VRK3: variants seen among roughly 807,000 people sequenced by gnomAD.
The protein encoded by VRK3 is VRK serine/threonine kinase 3.
In VRK3, 50 loss-of-function variants were observed where a neutral mutation model predicts 60.4. The observed-to-expected ratio is 0.83, with a 90% CI of 0.66 to 1.05. VRK3 has a LOEUF of 1.05. Ranked by LOEUF, VRK3 falls within the 50% of genes least tolerant of loss-of-function variation. VRK3 has a pLI of 0.00. For synonymous variants in VRK3, 246 were observed against 227.8 expected (o/e 1.08, Z -0.72); for missense variants, 549 against 585.3 (o/e 0.94, Z 0.64).
chr19:49,983,453 C>T (rs144281304), intron 12 of VRK3, among the ~76,000 whole-genome samples: 21 of 152,284 alleles, frequency 1.4e-4, no homozygotes, highest in African/African-American at 4.1e-4. Context: ...TGTCCCATGG[C>T]GGCCATTGAC....
chr19:50,006,180 T>C (rs1023379784), intron 5 of VRK3, among the ~76,000 whole-genome samples: 32 of 151,516 alleles, frequency 2.1e-4, no homozygotes, highest in African/African-American at 7.8e-4. Context: ...TGTGGTGGCA[T>C]GCGCTTGTAA....
At chr19:50,016,603 T>C (rs1401319574) in intron 2 of VRK3, among the ~76,000 whole-genome samples, 1 of 152,244 alleles carries the variant, frequency 6.6e-6, no homozygotes, top group Non-Finnish European at 1.5e-5. Context: ...TTCTGCTGTA[T>C]TGAGCCACCA....
At chr19:49,981,613 A>T (rs1233995571) in intron 12 of VRK3, 2 of 697,456 alleles carry the variant, frequency 2.9e-6, no homozygotes, top group African/African-American at 3.9e-5. Context: ...ATCTTATGTA[A>T]TAAGTATTGT....
At chr19:50,022,876 G>A (rs1487581946) in intron 1 of VRK3, among the ~76,000 whole-genome samples, 2 of 152,122 alleles carry the variant, frequency 1.3e-5, no homozygotes, top group Non-Finnish European at 2.9e-5. Flanking sequence ...TTTCATTTTA[G>A]ACAGAATAAA....
At chr19:50,007,988 G>A (rs1223760638) in intron 4 of VRK3, among the ~76,000 whole-genome samples, 162 bp from the exon 5 acceptor site, 1 of 152,156 alleles carries the variant, frequency 6.6e-6, no homozygotes, top group East Asian at 1.9e-4. Flanking sequence ...ATGATGTTGG[G>A]GCACCAGATA....
chr19:49,978,914 C>T (rs2076375462), intron 14 of VRK3, 169 bp downstream of exon 14: 3 of 577,908 alleles, frequency 5.2e-6, no homozygotes, highest in Non-Finnish European at 8.2e-6. Context: ...CTTGCCATTC[C>T]TTGAGGCTGG....
intron 12 of VRK3, among the ~76,000 whole-genome samples, chr19:49,983,607 T>G (rs1360309999): frequency 6.6e-6 from 1 of 152,252 alleles, no homozygotes; most frequent in Non-Finnish European, 1.5e-5. Context: ...TCATTTGTGC[T>G]TTGCCCAGCA....
chr19:49,981,341 TC>T (rs1241210534), intron 12 of VRK3, among the ~76,000 whole-genome samples: 4 of 152,078 alleles, frequency 2.6e-5, no homozygotes, highest in Non-Finnish European at 5.9e-5. Flanking sequence ...GGTCAGGAGA[TC>T]CGAGATCATC....
intron 3 of VRK3, among the ~76,000 whole-genome samples, chr19:50,009,625 A>G (rs2076961267): frequency 6.6e-6 from 1 of 151,954 alleles, no homozygotes; most frequent in African/African-American, 2.4e-5. Context: ...TCCTTTCCAC[A>G]TAATGTCTTT....
intron 6 of VRK3, chr19:49,999,527 A>G (rs2076763648): frequency 6.6e-6 from 1 of 152,462 alleles, no homozygotes; most frequent in Admixed American, 6.5e-5. Flanking sequence ...ATGGATGAAC[A>G]CCACTGGGCA....
At chr19:50,013,429 GAAAGA>G (rs1304206142) in intron 3 of VRK3, among the ~76,000 whole-genome samples, 2 of 152,156 alleles carry the variant, frequency 1.3e-5, no homozygotes, top group Non-Finnish European at 2.9e-5. Context: ...ACTTGCCAGT[GAAAGA>G]AAAGAAGAAA....
intron 7 of VRK3, among the ~76,000 whole-genome samples, chr19:49,996,028 T>C (rs886929686): frequency 2.6e-5 from 4 of 152,116 alleles, no homozygotes; most frequent in Admixed American, 6.5e-5. Context: ...TTCAAGTGAT[T>C]CTCCTGCCTC....
Position 50,013,389 on chromosome 19 carries a change from C to T in VRK3, c.139+2635G>A, listed in dbSNP as rs567084421. On this transcript the variant is annotated intron_variant, in intron 3 of 14. Transcript: ENST00000316763. ...GACACCATCCCAATACGCACTGTCC[C>T]CTTTTAGTAAGAAAAATATTGCTCT... Among the ~76,000 whole-genome samples the T allele has an allele frequency of 4.6e-5, 7 of 152,238 alleles. No homozygotes were observed. In the South Asian group the frequency reaches 1.5e-3, roughly 32 times the overall value.
chr19:49,994,016 C>G (rs1388624882), intron 9 of VRK3, among the ~76,000 whole-genome samples: 1 of 152,156 alleles, frequency 6.6e-6, no homozygotes, highest in African/African-American at 2.4e-5. Context: ...AGCCCCTCAG[C>G]CTGCTGTGCG....
In VRK3 at chr19:49,981,738, G is replaced by A. The variant is rs887546250; in HGVS notation, c.1218-725C>T. ...AAGATTTTATTACTTACAGGTCCTG[G>A]GGGCACACCGCACACCCAAAGGTGA... On this transcript the variant is annotated intron_variant, in intron 12 of 14. Coordinates refer to ENST00000316763, the MANE Select transcript of VRK3 (RefSeq NM_016440.4). 9.9e-6 allele frequency: 10 copies of A among 1,012,906 alleles called. No homozygotes were observed. In the African/African-American group the frequency reaches 1.0e-4, roughly 11 times the overall value. 62.7% of individuals were successfully genotyped at this position (1,012,906 alleles called of 1,614,324 possible).
chr19:50,007,754 C>T lies in VRK3; in HGVS notation c.362G>A (p.Gly121Asp), dbSNP rs780112038. ...KTRKSPQVTR[G>D]SPQKTSCSPQ... ...GCTACAGCTGGTCTTCTGAGGGCTACCCCTGGTCACCTGAGGGCTCTTCCT... is the reference window on the plus strand; with the variant it reads ...GCTACAGCTGGTCTTCTGAGGGCTATCCCTGGTCACCTGAGGGCTCTTCCT... Residue 121 changes from glycine (G) to aspartate (D), a missense_variant, in exon 5 of 15, where the codon GGT becomes GAT. Coordinates refer to ENST00000316763, the MANE Select transcript of VRK3 (RefSeq NM_016440.4). 3.1e-6 allele frequency: 5 copies of T among 1,613,856 alleles called. No homozygotes were observed. The highest frequency in any genetic ancestry group is 4.2e-6 in the Non-Finnish European group (5 of 1,180,022).
At chr19:49,983,813 G>T (rs2076465280) in intron 12 of VRK3, among the ~76,000 whole-genome samples, 1 of 152,218 alleles carries the variant, frequency 6.6e-6, no homozygotes, top group African/African-American at 2.4e-5. Context: ...TAGCAACATC[G>T]CCCCCTTGTG....
At chr19:50,001,254 G>A (rs1023267666) in intron 5 of VRK3, 5 of 181,714 alleles carry the variant, frequency 2.8e-5, no homozygotes, top group Non-Finnish European at 5.8e-5. Flanking sequence ...AGACAGAGGG[G>A]GCCACATGAC....
intron 9 of VRK3, 77 bp from the exon 10 acceptor site, chr19:49,993,029 A>G (rs2123124060): frequency 1.0e-5 from 10 of 985,316 alleles, no homozygotes; most frequent in Admixed American, 2.2e-5. Context: ...ACCAGGAGGG[A>G]GCCCCACTAT....
Sources: gnomAD v4.1 joint callset for allele counts (sites outside exome capture counted in the v4.1 genomes callset) on GRCh38, gnomAD v4.1.1 for gene constraint, MANE v1.5 for transcripts, NCBI Gene and HGNC (gene_info 2026-07-23, HGNC 2026-07-21) for gene names.